ABI3BP: variants seen among roughly 807,000 people sequenced by gnomAD.
ABI3BP encodes ABI family member 3 binding protein, also known as target of Nesh-SH3.
A neutral mutation model predicts 268.6 loss-of-function variants in ABI3BP; 216 were observed. That is an observed-to-expected ratio of 0.80 (90% CI 0.72 to 0.90). The LOEUF (loss-of-function observed/expected upper bound fraction) is 0.90. Among genes scored for constraint, ABI3BP ranks in the 40% least tolerant of loss-of-function variants. ABI3BP has a pLI of 0.00. For missense variants in ABI3BP, 2,090 were observed against 2,182.4 expected (o/e 0.96, Z 0.84); for synonymous variants, 730 against 730.0 (o/e 1.00, Z 0.00).
chr3:100,866,429 A>T lies in ABI3BP; in HGVS notation c.988+450T>A, dbSNP rs1325828120. Reference sequence around the variant, plus strand: ...CTATATTCTCTACACTAGGATTGCTAAAGTTCCAGAGACATTTGTTTCTAA... The same window carrying T: ...CTATATTCTCTACACTAGGATTGCTTAAGTTCCAGAGACATTTGTTTCTAA... On this transcript the variant is annotated intron_variant, in intron 10 of 67. Coordinates refer to ENST00000471714, the MANE Select transcript of ABI3BP (RefSeq NM_001375547.2). Among the ~76,000 whole-genome samples, 3 of 152,218 alleles carry T rather than the reference A, an allele frequency of 2.0e-5. No individual in the cohort carries two copies. In the East Asian group the frequency reaches 5.8e-4, roughly 29 times the overall value.
intron 18 of ABI3BP, among the ~76,000 whole-genome samples, chr3:100,848,213 C>T (rs530408551): frequency 6.6e-6 from 1 of 151,882 alleles, no homozygotes; most frequent in African/African-American, 2.4e-5. Flanking sequence ...AAACTGAAAA[C>T]AGAGTAGGTA....
At chr3:100,923,156 T>C (rs772822655) in intron 2 of ABI3BP, among the ~76,000 whole-genome samples, 4 of 152,222 alleles carry the variant, frequency 2.6e-5, no homozygotes, top group Admixed American at 6.5e-5. Flanking sequence ...GGAATAGCCT[T>C]CTTGGAGTTG....
chr3:100,889,485 G>T (rs543529151), intron 4 of ABI3BP, among the ~76,000 whole-genome samples: 1 of 152,254 alleles, frequency 6.6e-6, no homozygotes, highest in Admixed American at 6.5e-5. Flanking sequence ...GTTTTAATGT[G>T]TATTTACCAT....
intron 39 of ABI3BP, 51 bp from the exon 40 acceptor site, chr3:100,820,354 T>A: frequency 7.3e-7 from 1 of 1,366,854 alleles, no homozygotes; most frequent in Non-Finnish European, 1.0e-6. Flanking sequence ...TCCGAAGCTA[T>A]GAGTAGCATG....
intron 1 of ABI3BP, among the ~76,000 whole-genome samples, chr3:100,939,168 T>C (rs990858874): frequency 6.6e-6 from 1 of 152,074 alleles, no homozygotes; most frequent in African/African-American, 2.4e-5. Context: ...AATGGAGTTT[T>C]ACTAGGTCCC....
rs573408475 is a variant in ABI3BP at position 100,801,458 on chromosome 3, A to G, written c.3757+3334T>C. ...AAAAAAAAGAAAAGAAAAGAAAAGA[A>G]AAAAAGATCTAAAGAATTAATTTAT... On this transcript the variant is annotated intron_variant, in intron 51 of 67. Coordinates refer to ENST00000471714, the MANE Select transcript of ABI3BP (RefSeq NM_001375547.2). 3.4e-5 allele frequency among the ~76,000 whole-genome samples: 5 copies of G among 147,244 alleles called. No individual in the cohort carries two copies. In the South Asian group the frequency reaches 8.8e-4, roughly 26 times the overall value.
Position 100,853,075 on chromosome 3 carries a change from C to T in ABI3BP, c.1286-1135G>A, listed in dbSNP as rs117671777. ...TCAATGACAGTTTAATGCTTTTGAG[C>T]CAGTGCTGGTTGAAGCTGTAAGAAA... is the stretch of plus-strand genomic sequence containing the variant. On this transcript the variant is annotated intron_variant, in intron 14 of 67. Transcript: ENST00000471714. Among the ~76,000 whole-genome samples, 10 of 152,272 alleles carry T rather than the reference C, an allele frequency of 6.6e-5. No individual in the cohort carries two copies. In the East Asian group the frequency reaches 1.7e-3, roughly 26 times the overall value.
At position 100,751,629 on chromosome 3, in the gene ABI3BP, T is replaced by C; in HGVS notation, c.5168A>G (p.His1723Arg). ...TAAAAATGAATCCACAAACTGGCAGTGATCTTCTCCATGGCCCCTCTGATC... is the reference window on the plus strand; with the variant it reads ...TAAAAATGAATCCACAAACTGGCAGCGATCTTCTCCATGGCCCCTCTGATC... ...IGDQRGHGEDHCQFVDSFLDG... is the reference protein window; with the variant it reads ...IGDQRGHGEDRCQFVDSFLDG... The change falls in exon 67 of 68, where the codon CAC becomes CGC. Residue 1723 changes from histidine (H) to arginine (R), a missense_variant. Transcript: ENST00000471714. The C allele has an allele frequency of 6.2e-7, 1 of 1,604,116 alleles. No homozygotes were observed. Among genetic ancestry groups the C allele is most frequent in the Non-Finnish European group, 8.5e-7 (1 of 1,174,660 alleles).
intron 56 of ABI3BP, among the ~76,000 whole-genome samples, chr3:100,788,687 T>C (rs1225855220): frequency 2.0e-5 from 3 of 151,974 alleles, no homozygotes; most frequent in Non-Finnish European, 4.4e-5. Flanking sequence ...TCTTTAGAAG[T>C]TGGAAAATTA....
At chr3:100,869,330 G>GGTTTTTTTTTTT (rs2099085420) in intron 9 of ABI3BP, among the ~76,000 whole-genome samples, 2 of 49,754 alleles carry the variant, frequency 4.0e-5, no homozygotes, top group Non-Finnish European at 6.9e-5. Flanking sequence ...CTTCTTTTTG[G>GGTTTTTTTTTTT]TTTTTTTTTT....
At chr3:100,831,347 A>C (rs915081338) in intron 31 of ABI3BP, among the ~76,000 whole-genome samples, 1 of 152,108 alleles carries the variant, frequency 6.6e-6, no homozygotes, top group Non-Finnish European at 1.5e-5. Flanking sequence ...GGAGCAGGGA[A>C]TCACTGGGAG....
chr3:100,812,164 C>G (rs370684785), intron 46 of ABI3BP, among the ~76,000 whole-genome samples: 26 of 151,852 alleles, frequency 1.7e-4, no homozygotes, highest in African/African-American at 6.0e-4. Flanking sequence ...CGGGATGAAT[C>G]CTAAAAGTGA....
chr3:100,983,436 A>T (rs1017494151), intron 1 of ABI3BP, among the ~76,000 whole-genome samples: 2 of 152,138 alleles, frequency 1.3e-5, no homozygotes, highest in Non-Finnish European at 2.9e-5. Flanking sequence ...TATTTACTTA[A>T]CTCCTATATT....
chr3:100,843,536 TGTGTGTGAGAGAGAGA>T, intron 20 of ABI3BP: 2 of 880,420 alleles, frequency 2.3e-6, no homozygotes, highest in Non-Finnish European at 2.7e-6. Context: ...TGTGTGTGTG[TGTGTGTGAGAGAGAGA>T]GAGAGAGAGA....
At chr3:100,976,024 GA>G (rs972663933) in intron 1 of ABI3BP, among the ~76,000 whole-genome samples, 10 of 152,212 alleles carry the variant, frequency 6.6e-5, no homozygotes, top group African/African-American at 2.4e-4. Context: ...AGCAACTGGT[GA>G]TAACGGTCTG....
At chr3:100,876,643 G>T in intron 6 of ABI3BP, 83 bp from the exon 7 acceptor site, 2 of 1,254,844 alleles carry the variant, frequency 1.6e-6, no homozygotes, top group Non-Finnish European at 2.3e-6. Context: ...ACTGGAAGTA[G>T]CCCTTTCTTG....
Position 100,823,274 on chromosome 3 carries a change from A to G in ABI3BP, c.2803+184T>C, listed in dbSNP as rs150358794. Among the ~76,000 whole-genome samples, 340 of 152,310 alleles carry G rather than the reference A, an allele frequency of 2.2e-3. 3 individuals are homozygous for G. The highest frequency in any genetic ancestry group is 7.6e-3 in the African/African-American group (318 of 41,574). ...CAATTTCAAGCAGATTATATGGCAT[A>G]TAAACGTCCTCAAGTAGATTCATGC... is the stretch of plus-strand genomic sequence containing the variant. On this transcript the variant is annotated intron_variant, in intron 37 of 67. Transcript: ENST00000471714.
intron 1 of ABI3BP, among the ~76,000 whole-genome samples, chr3:100,983,541 T>C (rs1282636747): frequency 1.3e-5 from 2 of 152,178 alleles, no homozygotes; most frequent in African/African-American, 4.8e-5. Context: ...AGCCAGTACA[T>C]GGCAACACAG....
In ABI3BP at chr3:100,815,052, A is replaced by C. The variant is rs574355287; in HGVS notation, c.3289+860T>G. On this transcript the variant is annotated intron_variant, in intron 44 of 67. Transcript: ENST00000471714. ...AAACCTTCTAAAACCTAAGCCATAGATTTTCGTTATTTCAACTGAGAGGGT... is the reference window on the plus strand; with the variant it reads ...AAACCTTCTAAAACCTAAGCCATAGCTTTTCGTTATTTCAACTGAGAGGGT... 1.5e-4 allele frequency among the ~76,000 whole-genome samples: 23 copies of C among 152,154 alleles called. No homozygotes were observed. The South Asian group carries it at 2.7e-3, about 18-fold the overall frequency.
Sources: gnomAD v4.1 joint callset for allele counts (sites outside exome capture counted in the v4.1 genomes callset) on GRCh38, gnomAD v4.1.1 for gene constraint, MANE v1.5 for transcripts, NCBI Gene and HGNC (gene_info 2026-07-23, HGNC 2026-07-21) for gene names.